The following LGALS3 variants were observed in gnomAD, a reference collection of about 807,000 sequenced individuals.
LGALS3 encodes the protein galectin-3.
Under a neutral mutation model 20.7 loss-of-function variants are expected in LGALS3, and 18 were observed. The ratio of observed to expected loss-of-function variants is 0.87; its 90% CI spans 0.60 to 1.29. The LOEUF is 1.29. Ranked by LOEUF, LGALS3 falls within the 50% of genes most tolerant of loss-of-function variation. The pLI is 0.00. For missense variants in LGALS3, 315 were observed against 314.7 expected (o/e 1.00, Z -0.01); for synonymous variants, 112 against 119.6 (o/e 0.94, Z 0.42).
chr14:55,140,823 C>T (rs1329869649), intron 4 of LGALS3, among the ~76,000 whole-genome samples: 2 of 152,062 alleles, frequency 1.3e-5, no homozygotes, highest in Non-Finnish European at 2.9e-5. Flanking sequence ...TCAACCTTTA[C>T]TATTGGAAGT....
rs375563484 is a variant in LGALS3, at chr14:55,138,164, C to T, written c.138C>T (p.Pro46=). Reference sequence around the variant, plus strand: ...GGGCTTCCTATCCTGGGGCCTACCCCGGGCAGGCACCCCCAGGGGCTTATC... The same window carrying T: ...GGGCTTCCTATCCTGGGGCCTACCCTGGGCAGGCACCCCCAGGGGCTTATC... ...YPGASYPGAY[P]GQAPPGAYPG... is the part of the protein sequence containing the mutation. Residue 46 remains proline (P), a synonymous_variant, in exon 3 of 6, where the codon CCC becomes CCT. Coordinates refer to ENST00000254301, the MANE Select transcript of LGALS3 (RefSeq NM_002306.4). 104 of 1,604,970 alleles carry T rather than the reference C, an allele frequency of 6.5e-5. No homozygotes were observed. The highest frequency in any genetic ancestry group is 3.3e-4 in the Middle Eastern group (2 of 6,004).
rs145296140 is a variant in LGALS3, at chr14:55,142,614, T to C, written c.462T>C (p.Asp154=). The change falls in exon 5 of 6, where the codon GAT becomes GAC. Residue 154 remains aspartate, a synonymous_variant. Transcript: ENST00000254301. ...CTTTAGATTTCCAAAGAGGGAATGA[T>C]GTTGCCTTCCACTTTAACCCACGCT... The part of the protein sequence containing the change: ...RIALDFQRGN[D]VAFHFNPRFN... 291 of 1,613,808 alleles carry C rather than the reference T, an allele frequency of 1.8e-4. No individual in the cohort carries two copies. In the African/African-American group the frequency reaches 3.3e-3, roughly 18 times the overall value.
At chr14:55,142,896 C>T in intron 5 of LGALS3, 147 bp downstream of exon 5, 2 of 600,876 alleles carry the variant, frequency 3.3e-6, no homozygotes, top group Non-Finnish European at 5.7e-6. Flanking sequence ...GGGGACCAGG[C>T]TCAGCAGGCT....
chr14:55,137,463 C>T (rs1430738131), intron 2 of LGALS3, 72 bp downstream of exon 2: 22 of 1,613,818 alleles, frequency 1.4e-5, no homozygotes, highest in South Asian at 2.2e-5. Context: ...TTTGTTTTTA[C>T]CATGACTTTC....
rs1393489690 is a variant in LGALS3 at position 55,145,318 on chromosome 14, T to C, written c.*47T>C. On this transcript the variant is annotated 3_prime_UTR_variant, in exon 6 of 6. Coordinates refer to ENST00000254301, the MANE Select transcript of LGALS3 (RefSeq NM_002306.4). ...AAAAAAAAAGAATCTAAACCTTACA[T>C]GTGTAAAGGTTTCATGTTCACTGTG... The C allele has an allele frequency of 1.2e-6, 2 of 1,601,300 alleles. No homozygotes were observed. The highest frequency in any genetic ancestry group is 2.7e-5 in the African/African-American group (2 of 74,596).
Position 55,145,321 on chromosome 14 carries a change from G to A in LGALS3, c.*50G>A, listed in dbSNP as rs371349669. 20 of 1,599,722 alleles carry A rather than the reference G, an allele frequency of 1.3e-5. No homozygotes were observed. The highest frequency in any genetic ancestry group is 1.5e-5 in the Non-Finnish European group (17 of 1,171,368). On this transcript the variant is annotated 3_prime_UTR_variant, in exon 6 of 6. Transcript: ENST00000254301. ...AAAAAAGAATCTAAACCTTACATGT[G>A]TAAAGGTTTCATGTTCACTGTGAGT... is the stretch of plus-strand genomic sequence containing the variant.
At chr14:55,144,442 G>C (rs1438695860) in intron 5 of LGALS3, among the ~76,000 whole-genome samples, 1 of 147,706 alleles carries the variant, frequency 6.8e-6, no homozygotes, top group Non-Finnish European at 1.5e-5. Flanking sequence ...CCACACCCAG[G>C]CTCTTTTAAG....
At chr14:55,133,549 A>G (rs1372749589) in intron 1 of LGALS3, among the ~76,000 whole-genome samples, 1 of 152,192 alleles carries the variant, frequency 6.6e-6, no homozygotes, top group Non-Finnish European at 1.5e-5. Flanking sequence ...ACAGTACAAG[A>G]TTTCACCACA....
At chr14:55,130,216 G>A (rs1002506960) in intron 1 of LGALS3, among the ~76,000 whole-genome samples, 3 of 152,198 alleles carry the variant, frequency 2.0e-5, no homozygotes, top group Admixed American at 2.0e-4. Context: ...TGCTCAAATA[G>A]AAACACTAAA....
intron 4 of LGALS3, 164 bp downstream of exon 4, chr14:55,140,527 A>C: frequency 1.8e-6 from 1 of 552,766 alleles, no homozygotes; most frequent in South Asian, 2.3e-5. Context: ...ATCATATAGG[A>C]TTATCCCATA....
intron 3 of LGALS3, among the ~76,000 whole-genome samples, chr14:55,139,912 G>C (rs1881557704): frequency 6.6e-6 from 1 of 152,134 alleles, no homozygotes; most frequent in African/African-American, 2.4e-5. Flanking sequence ...CTTGCCCCCA[G>C]GAAGCAGAAT....
intron 2 of LGALS3, 63 bp from the exon 3 acceptor site, chr14:55,137,982 T>C: frequency 6.9e-7 from 1 of 1,458,986 alleles, no homozygotes; most frequent in Non-Finnish European, 9.0e-7. Context: ...ATTCCTATTT[T>C]CCTGAAAATT....
In LGALS3 at chr14:55,135,560, G is replaced by GTTT. The variant is rs762172869; in HGVS notation, c.-4-1788_-4-1786dup. On this transcript the variant is annotated intron_variant, in intron 1 of 5. Transcript: ENST00000254301. The stretch of plus-strand genomic sequence containing the variant: ...ACCAAAAATAAGGTAATATTTTATG[G>GTTT]TTTTTTTTTTTTTTTTTTTTTTTTG... Among the ~76,000 whole-genome samples, 240 of 106,560 alleles carry GTTT rather than the reference G, an allele frequency of 2.3e-3. 2 individuals carry two copies. The highest frequency in any genetic ancestry group is 0.012 in the East Asian group (38 of 3,268). The allele number at this position is 106,560 out of a possible 152,430, so 69.9% of individuals were successfully genotyped here. A position where few individuals can be genotyped will look rare whatever the true frequency, so the allele number is the denominator to read the frequency against.
intron 1 of LGALS3, among the ~76,000 whole-genome samples, chr14:55,134,815 C>A (rs1319839871): frequency 6.6e-6 from 1 of 152,178 alleles, no homozygotes; most frequent in Non-Finnish European, 1.5e-5. Context: ...TGGGCATGGT[C>A]ATAACCTAAC....
chr14:55,136,794 A>C (rs923030323), intron 1 of LGALS3, among the ~76,000 whole-genome samples: 5 of 147,586 alleles, frequency 3.4e-5, no homozygotes, highest in African/African-American at 7.5e-5. Context: ...AACTATCCCC[A>C]CCTCCCTCCC....
chr14:55,140,392 T>C (rs1381254275), intron 4 of LGALS3, 29 bp downstream of exon 4: 1 of 1,433,686 alleles, frequency 7.0e-7, no homozygotes, highest in Admixed American at 1.8e-5. Flanking sequence ...ACAAGTCTAC[T>C]CTATTTGTAG....
At chr14:55,132,755 G>A (rs1308319886) in intron 1 of LGALS3, among the ~76,000 whole-genome samples, 1 of 152,098 alleles carries the variant, frequency 6.6e-6, no homozygotes, top group Non-Finnish European at 1.5e-5. Context: ...TTTTAGTAGA[G>A]ATGGGGTTTC....
chr14:55,140,317 C>T lies in LGALS3; in HGVS notation c.385C>T (p.Arg129Cys), dbSNP rs755491373. 8 of 1,613,690 alleles carry T rather than the reference C, an allele frequency of 5.0e-6. No individual in the cohort carries two copies. The highest frequency in any genetic ancestry group is 2.2e-5 in the East Asian group (1 of 44,880). The change falls in exon 4 of 6, where the codon CGC becomes TGC. Residue 129 changes from arginine (R) to cysteine (C), a missense_variant. Physicochemically the swap from Arg to Cys is radical, Grantham distance 180. Coordinates refer to ENST00000254301, the MANE Select transcript of LGALS3 (RefSeq NM_002306.4). ...GCCTTTGCCTGGGGGAGTGGTGCCT[C>T]GCATGCTGATAACAATTCTGGGCAC... ...NLPLPGGVVP[R>C]MLITILGTVK...
At chr14:55,131,158 C>G (rs1215382774) in intron 1 of LGALS3, among the ~76,000 whole-genome samples, 1 of 152,132 alleles carries the variant, frequency 6.6e-6, no homozygotes, top group African/African-American at 2.4e-5. Context: ...GAATATTTAG[C>G]ACTTAGAAGT....
Sources: gnomAD v4.1 joint callset for allele counts (sites outside exome capture counted in the v4.1 genomes callset) on GRCh38, gnomAD v4.1.1 for gene constraint, MANE v1.5 for transcripts, NCBI Gene and HGNC (gene_info 2026-07-23, HGNC 2026-07-21) for gene names.